The following DSCAM variants were observed in gnomAD, a reference collection of about 807,000 sequenced individuals.
The protein encoded by DSCAM is cell adhesion molecule DSCAM.
Under a neutral mutation model 217.7 loss-of-function variants are expected in DSCAM, and 47 were observed. The ratio of observed to expected loss-of-function variants is 0.22; its 90% CI spans 0.17 to 0.28. DSCAM has a LOEUF of 0.28. Among genes scored for constraint, DSCAM ranks in the 10% least tolerant of loss-of-function variants. The pLI is 1.00. For synonymous variants in DSCAM, 1,056 were observed against 1,015.3 expected (o/e 1.04, Z -0.76); for missense variants, 2,080 against 2,618.3 (o/e 0.79, Z 4.49).
chr21:40,138,727 A>T (rs1210117165), intron 18 of DSCAM, among the ~76,000 whole-genome samples: 3 of 99,862 alleles, frequency 3.0e-5, no homozygotes, highest in Admixed American at 2.5e-4. Context: ...GTGTGTATGT[A>T]TGTGGTGTGC....
chr21:40,474,708 G>T (rs1043046656), intron 3 of DSCAM, among the ~76,000 whole-genome samples: 1 of 152,142 alleles, frequency 6.6e-6, no homozygotes, highest in Non-Finnish European at 1.5e-5. Flanking sequence ...GGCATCACAG[G>T]GGATGGCAGC....
chr21:40,565,518 G>C (rs932377536), intron 3 of DSCAM, among the ~76,000 whole-genome samples: 1 of 152,136 alleles, frequency 6.6e-6, no homozygotes, highest in Admixed American at 6.5e-5. Flanking sequence ...AACACCCTTG[G>C]ATAAGTGACA....
At chr21:40,678,529 C>G (rs754438720) in intron 3 of DSCAM, among the ~76,000 whole-genome samples, 3 of 152,074 alleles carry the variant, frequency 2.0e-5, no homozygotes, top group African/African-American at 7.2e-5. Context: ...CATATGGGCG[C>G]GTGTGGGTGA....
chr21:40,263,419 A>T (rs968490955), intron 11 of DSCAM, among the ~76,000 whole-genome samples: 1 of 152,206 alleles, frequency 6.6e-6, no homozygotes, highest in African/African-American at 2.4e-5. Flanking sequence ...CCTCAAAACT[A>T]TACAAATACA....
chr21:40,526,609 C>T (rs2076402763), intron 3 of DSCAM, among the ~76,000 whole-genome samples: 2 of 151,926 alleles, frequency 1.3e-5, no homozygotes, highest in African/African-American at 4.8e-5. Flanking sequence ...TGAGAGCCCT[C>T]GAGGTAACTT....
chr21:40,016,468 A>G lies in DSCAM; in HGVS notation c.5687-3082T>C, dbSNP rs900326252. Among the ~76,000 whole-genome samples the G allele has an allele frequency of 6.6e-6, 1 of 152,220 alleles. No individual in the cohort carries two copies. Among genetic ancestry groups the G allele is most frequent in the Non-Finnish European group, 1.5e-5 (1 of 68,038 alleles). On this transcript the variant is annotated intron_variant, in intron 32 of 32. Transcript: ENST00000400454. The surrounding 1 kb of genome is among the most constrained non-coding windows in gnomAD (Gnocchi z 4.3). ...ATTCAAGACAAGATATCTAGTAGGTATTTTTATCATAGAAACGTAGCTCTA... is the reference window on the plus strand; with the variant it reads ...ATTCAAGACAAGATATCTAGTAGGTGTTTTTATCATAGAAACGTAGCTCTA...
At chr21:40,679,635 C>T (rs745771832) in intron 3 of DSCAM, among the ~76,000 whole-genome samples, 12 of 152,202 alleles carry the variant, frequency 7.9e-5, no homozygotes, top group Non-Finnish European at 1.5e-4. Flanking sequence ...CAAATACATA[C>T]TCTGATTTAG....
chr21:40,256,360 G>C lies in DSCAM; in HGVS notation c.2356+19737C>G, dbSNP rs549578182. Among the ~76,000 whole-genome samples, 8 of 152,056 alleles carry C rather than the reference G, an allele frequency of 5.3e-5. No individual in the cohort carries two copies. In the East Asian group the frequency reaches 1.4e-3, roughly 26 times the overall value. On this transcript the variant is annotated intron_variant, in intron 11 of 32. Transcript: ENST00000400454. ...CTAATATCAAAATCTGCATTAGTCA[G>C]GGCTTCCCAGAGAAACAGAACCAAT...
intron 8 of DSCAM, among the ~76,000 whole-genome samples, chr21:40,328,952 C>A (rs1272431154): frequency 6.6e-6 from 1 of 151,834 alleles, no homozygotes; most frequent in Non-Finnish European, 1.5e-5. Flanking sequence ...CAAACTAAAA[C>A]CAAAATGAGG....
intron 16 of DSCAM, among the ~76,000 whole-genome samples, chr21:40,149,765 C>T (rs1182066562): frequency 6.7e-6 from 1 of 149,598 alleles, no homozygotes; most frequent in Non-Finnish European, 1.5e-5. Flanking sequence ...CGCTCCATCA[C>T]TATCCCAACA....
At chr21:40,699,366 C>A (rs2090630371) in intron 2 of DSCAM, among the ~76,000 whole-genome samples, 1 of 152,042 alleles carries the variant, frequency 6.6e-6, no homozygotes, top group Non-Finnish European at 1.5e-5. Context: ...AATAAATAAC[C>A]CTACAGTGGT....
At chr21:40,339,756 G>A (rs983193896) in intron 6 of DSCAM, among the ~76,000 whole-genome samples, 3 of 152,218 alleles carry the variant, frequency 2.0e-5, no homozygotes, top group African/African-American at 2.4e-5. Context: ...ATAAACAGAC[G>A]GAAAATCCAC....
intron 1 of DSCAM, among the ~76,000 whole-genome samples, chr21:40,740,174 TA>T (rs1409139788): frequency 3.9e-5 from 6 of 152,032 alleles, no homozygotes; most frequent in Non-Finnish European, 2.9e-5. Context: ...CCTTTGAGGA[TA>T]AAAAACTCTA....
At chr21:40,520,663 C>T (rs778272904) in intron 3 of DSCAM, among the ~76,000 whole-genome samples, 5 of 151,986 alleles carry the variant, frequency 3.3e-5, no homozygotes, top group African/African-American at 1.2e-4. Context: ...AAAAATTAGC[C>T]GGGCATGGTG....
intron 1 of DSCAM, among the ~76,000 whole-genome samples, chr21:40,725,472 A>C (rs1035254969): frequency 2.6e-5 from 4 of 152,216 alleles, no homozygotes; most frequent in Admixed American, 2.6e-4. Flanking sequence ...TTGTACTCAT[A>C]CCACCTGATC....
At chr21:40,772,214 G>C (rs1490703018) in intron 1 of DSCAM, among the ~76,000 whole-genome samples, 2 of 152,084 alleles carry the variant, frequency 1.3e-5, no homozygotes, top group African/African-American at 4.8e-5. Flanking sequence ...TTTCCCCCAG[G>C]CTGGAGTGCA....
chr21:40,320,486 G>A (rs1019270711), intron 8 of DSCAM, among the ~76,000 whole-genome samples: 2 of 151,998 alleles, frequency 1.3e-5, no homozygotes, highest in African/African-American at 4.8e-5. Flanking sequence ...AATTAAATGG[G>A]CCAGTAATAT....
At position 40,178,989 on chromosome 21, in the gene DSCAM, G is replaced by C; in HGVS notation, c.2885C>G (p.Ala962Gly). The C allele has an allele frequency of 6.2e-7, 1 of 1,614,136 alleles. No homozygotes were observed. Among genetic ancestry groups the C allele is most frequent in the Non-Finnish European group, 8.5e-7 (1 of 1,180,018 alleles). ...CTCGCTCTTGCCAATCCGGTTCTTG[G>C]CGTACATGCGGATGCTGTAGGTGGA... ...PSSTYSIRMY[A>G]KNRIGKSEPS... Residue 962 changes from alanine (A) to glycine (G), a missense_variant, in exon 15 of 33, where the codon GCC becomes GGC. Coordinates refer to ENST00000400454, the MANE Select transcript of DSCAM (RefSeq NM_001389.5).
intron 27 of DSCAM, among the ~76,000 whole-genome samples, chr21:40,073,380 T>C (rs936772248): frequency 1.3e-5 from 2 of 152,212 alleles, no homozygotes; most frequent in African/African-American, 4.8e-5. Context: ...GCCTTCTAAA[T>C]GCAAGTAGTT....
Sources: gnomAD v4.1 joint callset for allele counts (sites outside exome capture counted in the v4.1 genomes callset) on GRCh38, gnomAD v4.1.1 for gene constraint, Gnocchi (gnomAD v3.1) non-coding constraint, MANE v1.5 for transcripts, NCBI Gene and HGNC (gene_info 2026-07-23, HGNC 2026-07-21) for gene names.